DLGAP2: variants seen among roughly 807,000 people sequenced by gnomAD.
The protein encoded by DLGAP2 is DLG associated protein 2, also known as disks large-associated protein 2.
In DLGAP2, 26 loss-of-function variants were observed where a neutral mutation model predicts 100.3. That is an observed-to-expected ratio of 0.26 (90% CI 0.19 to 0.36). DLGAP2 has a LOEUF of 0.36. Ranked by LOEUF, DLGAP2 falls within the 10% of genes least tolerant of loss-of-function variation. The probability of loss-of-function intolerance (pLI) is 1.00; values close to 1 mark genes in which losing one functional copy is unlikely to be tolerated. For missense variants in DLGAP2, 1,858 were observed against 1,453.2 expected, an observed-to-expected ratio of 1.28 and a Z score of -4.53; for synonymous variants, 886 against 630.1, an observed-to-expected ratio of 1.41 and a Z score of -6.08.
intron 6 of DLGAP2, among the ~76,000 whole-genome samples, chr8:1,570,807 C>A (rs1468346140): frequency 7.7e-6 from 1 of 129,962 alleles, no homozygotes; most frequent in Non-Finnish European, 1.6e-5. Flanking sequence ...AGAGGGTGAA[C>A]TGTGGGGATG....
intron 2 of DLGAP2, among the ~76,000 whole-genome samples, chr8:1,080,176 G>T (rs931872899): frequency 6.6e-6 from 1 of 152,222 alleles, no homozygotes; most frequent in African/African-American, 2.4e-5. Context: ...CTCCACATTA[G>T]AACTACTTGC....
intron 2 of DLGAP2, among the ~76,000 whole-genome samples, chr8:1,091,783 C>T (rs369071767): frequency 6.6e-6 from 1 of 152,014 alleles, no homozygotes; most frequent in Non-Finnish European, 1.5e-5. Context: ...GGCCCCCGAC[C>T]CTCTCCCCAC....
chr8:1,633,907 A>G (rs557394412), intron 8 of DLGAP2, among the ~76,000 whole-genome samples: 1 of 152,382 alleles, frequency 6.6e-6, no homozygotes, highest in East Asian at 1.9e-4. Flanking sequence ...CAGACACATA[A>G]CAGGAGAGAA....
intron 3 of DLGAP2, among the ~76,000 whole-genome samples, chr8:1,467,104 C>G (rs1210977560): frequency 6.6e-6 from 1 of 151,716 alleles, no homozygotes; most frequent in East Asian, 1.9e-4. Flanking sequence ...CCAGATCCAG[C>G]CAGAGGGAGG....
chr8:1,237,075 A>C (rs1254399493), intron 2 of DLGAP2, among the ~76,000 whole-genome samples: 23 of 138,692 alleles, frequency 1.7e-4, no homozygotes. Flanking sequence ...GTTCTGTCAC[A>C]TGGCGCCGTG....
intron 2 of DLGAP2, among the ~76,000 whole-genome samples, chr8:1,091,728 G>A (rs1428407506): frequency 6.6e-6 from 1 of 152,106 alleles, no homozygotes; most frequent in Non-Finnish European, 1.5e-5. Flanking sequence ...TTGACGTTGC[G>A]TGTCTCCCGT....
intron 2 of DLGAP2, among the ~76,000 whole-genome samples, chr8:1,255,215 A>C (rs1216959083): frequency 3.5e-4 from 15 of 42,628 alleles, no homozygotes; most frequent in African/African-American, 7.9e-4. Flanking sequence ...GTGCCCTCTC[A>C]TCCTGCCTGG....
chr8:859,083 C>A (rs1277816600), intron 1 of DLGAP2, among the ~76,000 whole-genome samples: 1 of 151,212 alleles, frequency 6.6e-6, no homozygotes, highest in Non-Finnish European at 1.5e-5. Context: ...CACTAAAAAC[C>A]TGAGACATAG....
chr8:1,177,251 T>A (rs1210218251), intron 2 of DLGAP2, among the ~76,000 whole-genome samples: 1 of 152,172 alleles, frequency 6.6e-6, no homozygotes, highest in Non-Finnish European at 1.5e-5. Flanking sequence ...GTGCTTTATT[T>A]TAGATCCCTT....
intron 3 of DLGAP2, among the ~76,000 whole-genome samples, chr8:1,432,044 G>A (rs894966336): frequency 6.7e-6 from 1 of 148,526 alleles, no homozygotes; most frequent in African/African-American, 2.5e-5. Context: ...CATCCATCGG[G>A]GCTGAACCCT....
chr8:965,943 C>T (rs1799860269), intron 2 of DLGAP2, among the ~76,000 whole-genome samples: 1 of 152,238 alleles, frequency 6.6e-6, no homozygotes, highest in South Asian at 2.1e-4. Flanking sequence ...GGACAGCTAC[C>T]ATGAGTCTGC....
At chr8:1,158,929 C>T (rs951686165) in intron 2 of DLGAP2, among the ~76,000 whole-genome samples, 3 of 152,198 alleles carry the variant, frequency 2.0e-5, no homozygotes, top group African/African-American at 4.8e-5. Flanking sequence ...TGAGTAAAAT[C>T]AAAGGAAACT....
intron 3 of DLGAP2, among the ~76,000 whole-genome samples, chr8:1,355,696 A>C (rs1447782782): frequency 2.0e-5 from 3 of 152,090 alleles, no homozygotes; most frequent in Non-Finnish European, 4.4e-5. Context: ...AAAATAAAAC[A>C]AATGCTTGAT....
At chr8:1,371,325 G>A (rs1336178756) in intron 3 of DLGAP2, among the ~76,000 whole-genome samples, 1 of 152,184 alleles carries the variant, frequency 6.6e-6, no homozygotes, top group South Asian at 2.1e-4. Context: ...CTTGGACCTG[G>A]CTGGTGCTGT....
rs181680093 is a variant in DLGAP2, at chr8:1,295,034, C to T, written c.106+36151C>T. The stretch of plus-strand genomic sequence containing the variant: ...ATCATTGTTAATAGAAGGGTGATAT[C>T]GCTGAGCAGAAGGAAAGGAAATAAT... On this transcript the variant is annotated intron_variant, in intron 3 of 14. Coordinates refer to ENST00000637795, the MANE Select transcript of DLGAP2 (RefSeq NM_001346810.2). Among the ~76,000 whole-genome samples, 909 of 152,134 alleles carry T rather than the reference C, an allele frequency of 6.0e-3. 12 individuals carry two copies. The highest frequency in any genetic ancestry group is 0.031 in the Admixed American group (477 of 15,284).
At chr8:846,586 T>C (rs1797075524) in intron 1 of DLGAP2, among the ~76,000 whole-genome samples, 2 of 152,260 alleles carry the variant, frequency 1.3e-5, no homozygotes, top group Non-Finnish European at 2.9e-5. Flanking sequence ...TGAATAGTGC[T>C]GCAGTGAACA....
At chr8:1,628,890 C>G (rs1797575758) in intron 7 of DLGAP2, among the ~76,000 whole-genome samples, 1 of 152,266 alleles carries the variant, frequency 6.6e-6, no homozygotes, top group African/African-American at 2.4e-5. Flanking sequence ...TGTGCCCTCC[C>G]ATTATGCAGT....
chr8:1,544,230 C>T (rs956559056), intron 4 of DLGAP2, among the ~76,000 whole-genome samples: 2 of 152,122 alleles, frequency 1.3e-5, no homozygotes, highest in African/African-American at 4.8e-5. Flanking sequence ...TTAGGCGGTC[C>T]CAGGGACTTT....
At chr8:1,502,852 G>A (rs961382970) in intron 4 of DLGAP2, among the ~76,000 whole-genome samples, 1 of 152,156 alleles carries the variant, frequency 6.6e-6, no homozygotes, top group Non-Finnish European at 1.5e-5. Flanking sequence ...CGGCGCCCAC[G>A]TGCCCCAGGG....
Sources: gnomAD v4.1 joint callset for allele counts (sites outside exome capture counted in the v4.1 genomes callset) on GRCh38, gnomAD v4.1.1 for gene constraint, MANE v1.5 for transcripts, NCBI Gene and HGNC (gene_info 2026-07-23, HGNC 2026-07-21) for gene names.